The following FAM135B variants were observed in gnomAD, a reference collection of about 807,000 sequenced individuals.
The protein encoded by FAM135B is family with sequence similarity 135 member B.
A neutral mutation model predicts 127.7 loss-of-function variants in FAM135B; 43 were observed. The ratio of observed to expected loss-of-function variants is 0.34; its 90% CI spans 0.26 to 0.43. FAM135B has a LOEUF of 0.43. Among genes scored for constraint, FAM135B ranks in the 20% least tolerant of loss-of-function variants. The pLI is 1.00. For synonymous variants in FAM135B, 670 were observed against 665.1 expected, an observed-to-expected ratio of 1.01 and a Z score of -0.11; for missense variants, 1,558 against 1,725.6, an observed-to-expected ratio of 0.90 and a Z score of 1.72.
chr8:138,497,000 G>T lies in FAM135B; in HGVS notation c.-349C>A, dbSNP rs1815424201. Among the ~76,000 whole-genome samples, 1 of 151,986 alleles carries T rather than the reference G, an allele frequency of 6.6e-6. No homozygotes were observed. The highest frequency in any genetic ancestry group is 1.5e-5 in the Non-Finnish European group (1 of 67,966). Reference sequence around the variant, plus strand: ...CCAGCGAGCAGGCGCCAGGACGCGAGGCTGTCAGCGCGGTCGGGGGAACGC... The same window carrying T: ...CCAGCGAGCAGGCGCCAGGACGCGATGCTGTCAGCGCGGTCGGGGGAACGC... On this transcript the variant is annotated 5_prime_UTR_variant, in exon 1 of 20. Transcript: ENST00000395297.
intron 1 of FAM135B, among the ~76,000 whole-genome samples, chr8:138,472,846 T>G (rs991034100): frequency 2.6e-5 from 4 of 152,132 alleles, no homozygotes; most frequent in African/African-American, 2.4e-5. Context: ...CCCTGCTGAT[T>G]GGTCTGTTAA....
intron 1 of FAM135B, among the ~76,000 whole-genome samples, chr8:138,442,267 T>TATATATATATATATACATAC (rs34280434): frequency 4.6e-5 from 4 of 86,762 alleles, no homozygotes; most frequent in African/African-American, 8.9e-5. Flanking sequence ...TATATATATA[T>TATATATATATATATACATAC]ATATATATAT....
chr8:138,191,780 G>GT (rs1464429104), intron 9 of FAM135B, among the ~76,000 whole-genome samples: 3 of 152,190 alleles, frequency 2.0e-5, no homozygotes, highest in Admixed American at 2.0e-4. Flanking sequence ...CCTGCCAAAG[G>GT]CATGAGTATC....
chr8:138,209,176 G>A (rs1290286253), intron 7 of FAM135B, among the ~76,000 whole-genome samples: 1 of 152,094 alleles, frequency 6.6e-6, no homozygotes, highest in Non-Finnish European at 1.5e-5. Flanking sequence ...AGGTCTAGAG[G>A]TTAATGAATA....
intron 6 of FAM135B, among the ~76,000 whole-genome samples, chr8:138,249,798 C>T (rs2063559): frequency 0.35 from 52,976 of 152,068 alleles, 9,925 homozygotes; most frequent in African/African-American, 0.45. Flanking sequence ...AGGAAAGATC[C>T]CTTTTGGAAA....
chr8:138,237,935 A>T (rs183050100), intron 7 of FAM135B, among the ~76,000 whole-genome samples: 1 of 152,322 alleles, frequency 6.6e-6, no homozygotes, highest in East Asian at 1.9e-4. Context: ...AAACTAATAC[A>T]TCGAGCATGT....
At position 138,242,164 on chromosome 8, in the gene FAM135B, TTTGTGTGTG is replaced by T. The variant is rs1357465194; in HGVS notation, c.669+769_669+777del. ...GAGTCAATTACTTATGATAAATCTC[TTTGTGTGTG>T]TGTGTGTGTGTGTGTGTGTGTGTGT... On this transcript the variant is annotated intron_variant, in intron 7 of 19. Transcript: ENST00000395297. The surrounding 1 kb of genome is among the most constrained non-coding windows in gnomAD (Gnocchi z 9.6). Among the ~76,000 whole-genome samples the T allele has an allele frequency of 2.2e-5, 3 of 135,310 alleles. No homozygotes were observed. The highest frequency in any genetic ancestry group is 5.3e-4 in the South Asian group (2 of 3,742). The allele number at this position is 135,310 out of a possible 152,430, so 88.8% of individuals were successfully genotyped here. A position where few individuals can be genotyped will look rare whatever the true frequency, so the allele number is the denominator to read the frequency against.
At chr8:138,222,731 CA>C (rs1185307033) in intron 7 of FAM135B, among the ~76,000 whole-genome samples, 1 of 125,502 alleles carries the variant, frequency 8.0e-6, no homozygotes, top group Non-Finnish European at 1.6e-5. Context: ...TCCTTAGAGT[CA>C]AAAAAACAAA....
At chr8:138,279,020 G>C (rs10875422) in intron 3 of FAM135B, among the ~76,000 whole-genome samples, 82,608 of 152,022 alleles carry the variant, frequency 0.54, 22,994 homozygotes, top group African/African-American at 0.65. Flanking sequence ...ATTAGACCTG[G>C]TTAATTATTG....
intron 7 of FAM135B, among the ~76,000 whole-genome samples, chr8:138,202,869 G>A (rs571647403): frequency 6.6e-6 from 1 of 152,254 alleles, no homozygotes; most frequent in Admixed American, 6.5e-5. Flanking sequence ...ACTTAGTGGG[G>A]AACTCCGCAG....
At chr8:138,366,963 A>G (rs2131210226) in intron 2 of FAM135B, among the ~76,000 whole-genome samples, 1 of 152,190 alleles carries the variant, frequency 6.6e-6, no homozygotes, top group South Asian at 2.1e-4. Context: ...CCACAAGGAG[A>G]ACCACAACAG....
chr8:138,347,477 G>A (rs779022270), intron 2 of FAM135B, among the ~76,000 whole-genome samples: 12 of 152,164 alleles, frequency 7.9e-5, no homozygotes, highest in Non-Finnish European at 1.6e-4. Context: ...CTGCATGAGC[G>A]TAGTGCATGG....
intron 1 of FAM135B, among the ~76,000 whole-genome samples, chr8:138,413,969 TC>T (rs5895522): frequency 0.087 from 13,229 of 151,784 alleles, 981 homozygotes; most frequent in East Asian, 0.26. Flanking sequence ...ACCTCTAACA[TC>T]AACCTTATTT....
At chr8:138,171,031 C>A (rs1280542422) in intron 11 of FAM135B, among the ~76,000 whole-genome samples, 1 of 152,180 alleles carries the variant, frequency 6.6e-6, no homozygotes, top group Admixed American at 6.5e-5. Flanking sequence ...AGGCCTTTGG[C>A]CACCATCAGC....
intron 7 of FAM135B, among the ~76,000 whole-genome samples, chr8:138,226,133 A>G (rs1324269557): frequency 7.5e-6 from 1 of 133,888 alleles, no homozygotes; most frequent in Non-Finnish European, 1.6e-5. Context: ...AAAAAATACA[A>G]TTTTCTGGGG....
chr8:138,246,678 C>A (rs1821313413), intron 6 of FAM135B, among the ~76,000 whole-genome samples: 1 of 152,164 alleles, frequency 6.6e-6, no homozygotes, highest in Non-Finnish European at 1.5e-5. Flanking sequence ...GGGTCAGAAC[C>A]CCCACACAGA....
chr8:138,393,165 A>G (rs1832677103), intron 1 of FAM135B, among the ~76,000 whole-genome samples: 1 of 152,158 alleles, frequency 6.6e-6, no homozygotes, highest in Non-Finnish European at 1.5e-5. Context: ...ACCTGCCCCC[A>G]TGAATCAATT....
At chr8:138,245,982 T>C (rs1019152471) in intron 6 of FAM135B, among the ~76,000 whole-genome samples, 1 of 152,200 alleles carries the variant, frequency 6.6e-6, no homozygotes, top group Non-Finnish European at 1.5e-5. Flanking sequence ...TCTTGGGAAC[T>C]GGAACAAAGA....
intron 1 of FAM135B, among the ~76,000 whole-genome samples, chr8:138,398,767 T>C (rs534348212): frequency 1.3e-5 from 2 of 152,300 alleles, no homozygotes; most frequent in South Asian, 4.2e-4. Context: ...GAAATAGCTA[T>C]TGAGATGTCA....
Sources: gnomAD v4.1 joint callset for allele counts (sites outside exome capture counted in the v4.1 genomes callset) on GRCh38, gnomAD v4.1.1 for gene constraint, Gnocchi (gnomAD v3.1) non-coding constraint, MANE v1.5 for transcripts, NCBI Gene and HGNC (gene_info 2026-07-23, HGNC 2026-07-21) for gene names.